Variants in USP15 observed in about 807,000 individuals in gnomAD.
USP15 encodes ubiquitin carboxyl-terminal hydrolase 15.
A neutral mutation model predicts 127.1 loss-of-function variants in USP15; 18 were observed. The observed-to-expected ratio is 0.14, with a 90% confidence interval of 0.10 to 0.21. The LOEUF (loss-of-function observed/expected upper bound fraction) is 0.21, where lower values mean the gene tolerates loss of function less well. Ranked by LOEUF, USP15 falls within the 10% of genes least tolerant of loss-of-function variation. The pLI is 1.00. For missense variants in USP15, 805 were observed against 1,159.9 expected, an observed-to-expected ratio of 0.69 and a Z score of 4.44; for synonymous variants, 364 against 393.7, an observed-to-expected ratio of 0.92 and a Z score of 0.89.
chr12:62,268,882 C>G (rs146084406), intron 1 of USP15, among the ~76,000 whole-genome samples: 118 of 152,124 alleles, frequency 7.8e-4, no homozygotes, highest in Non-Finnish European at 1.3e-3. Flanking sequence ...AACCTCATAC[C>G]CATTAATAGT....
At chr12:62,330,109 T>C (rs140588509) in intron 6 of USP15, among the ~76,000 whole-genome samples, 10 of 151,806 alleles carry the variant, frequency 6.6e-5, no homozygotes, top group African/African-American at 2.2e-4. Context: ...AAAGAAACAA[T>C]GAGATTCATA....
intron 6 of USP15, chr12:62,335,171 C>T (rs1351618998): frequency 2.0e-6 from 3 of 1,535,572 alleles, no homozygotes; most frequent in Non-Finnish European, 8.7e-7. Context: ...TCTAGAAAGC[C>T]ACTAGAGCAG....
chr12:62,416,018 T>C lies in USP15; in HGVS notation c.*11643T>C, dbSNP rs2068146347. On this transcript the variant is annotated 3_prime_UTR_variant, in exon 22 of 22. Coordinates refer to ENST00000280377, the MANE Select transcript of USP15 (RefSeq NM_001252078.2). Reference sequence around the variant, plus strand: ...AGAGCAAAGAGTATGGTACAGTCAGTCCACCCAGGTTGCCTGTTAACCTGG... The same window carrying C: ...AGAGCAAAGAGTATGGTACAGTCAGCCCACCCAGGTTGCCTGTTAACCTGG... The C allele has an allele frequency of 1.3e-5, 2 of 152,324 alleles. No homozygotes were observed. The highest frequency in any genetic ancestry group is 2.1e-4 in the South Asian group (1 of 4,830). The allele number at this position is 152,324 out of a possible 1,614,324, so 9.4% of individuals were successfully genotyped here.
At chr12:62,345,289 G>A (rs935378473) in intron 6 of USP15, among the ~76,000 whole-genome samples, 2 of 151,664 alleles carry the variant, frequency 1.3e-5, no homozygotes, top group African/African-American at 4.9e-5. Context: ...CTCTAGGGTC[G>A]GGGCAAAATG....
chr12:62,404,502 T>C lies in USP15; in HGVS notation c.*127T>C, dbSNP rs2067805580. 1 of 1,325,994 alleles carries C rather than the reference T, an allele frequency of 7.5e-7. No homozygotes were observed. The highest frequency in any genetic ancestry group is 2.7e-5 in the East Asian group (1 of 37,684). The allele number at this position is 1,325,994 out of a possible 1,614,324, so 82.1% of individuals were successfully genotyped here. ...GTTTCAGATAACCGAATGTAAATCC[T>C]TTATCAGATTTTAACTTGTGCAGTA... On this transcript the variant is annotated 3_prime_UTR_variant, in exon 22 of 22. Transcript: ENST00000280377.
intron 20 of USP15, among the ~76,000 whole-genome samples, chr12:62,397,823 C>T (rs1296396989): frequency 6.6e-6 from 1 of 150,470 alleles, no homozygotes; most frequent in Non-Finnish European, 1.5e-5. Flanking sequence ...CACCACTGCA[C>T]TCCAGCCTGG....
intron 19 of USP15, 43 bp from the exon 20 acceptor site, chr12:62,396,252 T>A (rs972469358): frequency 2.0e-6 from 3 of 1,496,746 alleles, no homozygotes; most frequent in Non-Finnish European, 2.7e-6. Context: ...TTCATTGCAT[T>A]TAGGGACAAC....
chr12:62,347,804 C>T (rs983149740), intron 6 of USP15, among the ~76,000 whole-genome samples: 3 of 151,936 alleles, frequency 2.0e-5, no homozygotes, highest in African/African-American at 7.3e-5. Context: ...ACTAGAAATC[C>T]CACTTAACAG....
At chr12:62,306,363 G>A (rs1164005564) in intron 3 of USP15, among the ~76,000 whole-genome samples, 3 of 152,134 alleles carry the variant, frequency 2.0e-5, no homozygotes, top group Non-Finnish European at 4.4e-5. Context: ...AATAGAGGTT[G>A]TCAGAACTTT....
chr12:62,341,811 G>A (rs966572326), intron 6 of USP15, among the ~76,000 whole-genome samples: 14 of 152,100 alleles, frequency 9.2e-5, no homozygotes, highest in Admixed American at 6.6e-5. Flanking sequence ...TGCCCTTAAC[G>A]TTGTTTCCTT....
intron 3 of USP15, among the ~76,000 whole-genome samples, chr12:62,311,713 G>A (rs1483031550): frequency 6.6e-6 from 1 of 151,612 alleles, no homozygotes; most frequent in Non-Finnish European, 1.5e-5. Flanking sequence ...GTGAGTGTAT[G>A]TCACCATCTA....
intron 8 of USP15, among the ~76,000 whole-genome samples, chr12:62,380,669 G>A (rs1012823264): frequency 9.9e-5 from 15 of 151,896 alleles, no homozygotes; most frequent in Admixed American, 3.9e-4. Flanking sequence ...TGTGTTAGTC[G>A]TTGCATATTA....
At chr12:62,287,954 A>G (rs1000567305) in intron 1 of USP15, among the ~76,000 whole-genome samples, 9 of 152,012 alleles carry the variant, frequency 5.9e-5, no homozygotes, top group African/African-American at 1.4e-4. Flanking sequence ...CTGTGTGTCT[A>G]TTTTTGTACC....
chr12:62,396,334 A>G lies in USP15; in HGVS notation c.2610A>G (p.Ala870=), dbSNP rs746692173. The change falls in exon 20 of 22, where the codon GCA becomes GCG. Residue 870 remains alanine, a synonymous_variant. Transcript: ENST00000280377. The part of the protein sequence containing the change: ...DMSEFLINPN[A]GPCRYNLIAV... ...CGGAATTCTTAATTAATCCAAATGC[A>G]GGTCCTTGCCGCTATAATCTGATTG... 33 of 1,596,708 alleles carry G rather than the reference A, an allele frequency of 2.1e-5. No homozygotes were observed. The highest frequency in any genetic ancestry group is 2.6e-5 in the Non-Finnish European group (31 of 1,174,852).
intron 9 of USP15, among the ~76,000 whole-genome samples, chr12:62,383,003 C>G (rs2067035921): frequency 6.6e-6 from 1 of 151,782 alleles, no homozygotes; most frequent in African/African-American, 2.4e-5. Flanking sequence ...AAATCTATGA[C>G]CAAACAAAGA....
chr12:62,357,643 T>G (rs2066174077), intron 8 of USP15, among the ~76,000 whole-genome samples: 1 of 152,144 alleles, frequency 6.6e-6, no homozygotes, highest in Non-Finnish European at 1.5e-5. Flanking sequence ...AGTTGGAAAC[T>G]ATATTGTCTC....
At chr12:62,349,109 C>T (rs571721635) in intron 6 of USP15, 112 bp from the exon 7 acceptor site, 1 of 568,144 alleles carries the variant, frequency 1.8e-6, no homozygotes, top group Non-Finnish European at 2.7e-6. Context: ...GCTCATAAAT[C>T]TATTTTTCAG....
intron 4 of USP15, among the ~76,000 whole-genome samples, chr12:62,319,280 C>T (rs144903460): frequency 6.6e-6 from 1 of 152,104 alleles, no homozygotes; most frequent in Non-Finnish European, 1.5e-5. Flanking sequence ...GAAATCTGCC[C>T]CCATGATCCA....
At chr12:62,330,640 G>A (rs554517135) in intron 6 of USP15, among the ~76,000 whole-genome samples, 3 of 151,486 alleles carry the variant, frequency 2.0e-5, no homozygotes, top group East Asian at 3.9e-4. Flanking sequence ...CACATTTTAG[G>A]CTGAGCAAGG....
Sources: allele counts gnomAD v4.1 joint callset (sites outside exome capture counted in the v4.1 genomes callset), GRCh38; gene constraint gnomAD v4.1.1; transcripts MANE v1.5; gene names NCBI Gene and HGNC (gene_info 2026-07-23, HGNC 2026-07-21).